Variants in CC2D2A observed in about 807,000 individuals in gnomAD.
The protein encoded by CC2D2A is coiled-coil and C2 domain-containing protein 2A.
A neutral mutation model predicts 212.9 loss-of-function variants in CC2D2A; 155 were observed. The observed-to-expected ratio is 0.73, with a 90% CI of 0.64 to 0.83. The LOEUF (loss-of-function observed/expected upper bound fraction) is 0.83, where lower values mean the gene tolerates loss of function less well. Ranked by LOEUF, CC2D2A falls within the 40% of genes least tolerant of loss-of-function variation. The probability of loss-of-function intolerance (pLI) is 0.00; values close to 1 mark genes in which losing one functional copy is unlikely to be tolerated. For synonymous variants in CC2D2A, 667 were observed against 686.5 expected, an observed-to-expected ratio of 0.97 and a Z score of 0.44; for missense variants, 1,856 against 1,956.2, an observed-to-expected ratio of 0.95 and a Z score of 0.97.
rs1176350688 is a variant in CC2D2A, at chr4:15,480,771, T to C, written c.191T>C (p.Val64Ala). Residue 64 changes from valine to alanine, a missense_variant, in exon 4 of 37, where the codon GTG becomes GCG. Physicochemically the swap from Val to Ala is moderately conservative, Grantham distance 64. Around this residue, in one of 5 missense-constraint regions of CC2D2A, gnomAD observed 1,512 missense variants for 1,579.3 expected, o/e 0.96. Transcript: ENST00000424120. ...KSHLGNPQEP[V>A]QEEPKTRLLS... is the part of the protein sequence containing the mutation. ...CACCTTGGCAACCCCCAGGAGCCTG[T>C]GCAGGAGGAGCCCAAGACCCGCCTC... 1 of 1,613,378 alleles carries C rather than the reference T, an allele frequency of 6.2e-7. No homozygotes were observed. The highest frequency in any genetic ancestry group is 8.5e-7 in the Non-Finnish European group (1 of 1,179,662).
At chr4:15,574,995 G>A (rs1720337647) in intron 29 of CC2D2A, among the ~76,000 whole-genome samples, 1 of 152,230 alleles carries the variant, frequency 6.6e-6, no homozygotes, top group African/African-American at 2.4e-5. Context: ...TCCAAGGTCT[G>A]ATTGCAAAAA....
At chr4:15,526,678 T>A (rs1577349239) in intron 11 of CC2D2A, among the ~76,000 whole-genome samples, 1 of 152,304 alleles carries the variant, frequency 6.6e-6, no homozygotes, top group South Asian at 2.1e-4. Flanking sequence ...CTATAGTCAG[T>A]CTTTATAATG....
chr4:15,550,722 G>C, intron 17 of CC2D2A, 102 bp from the exon 18 acceptor site: 1 of 828,978 alleles, frequency 1.2e-6, no homozygotes. Flanking sequence ...CTTAGGGCTG[G>C]AACAGTGACC....
intron 17 of CC2D2A, among the ~76,000 whole-genome samples, chr4:15,546,846 C>CA (rs1321097807): frequency 6.6e-6 from 1 of 152,096 alleles, no homozygotes; most frequent in Admixed American, 6.5e-5. Flanking sequence ...CAGGTGTGGT[C>CA]ATCTAAAGGT....
At chr4:15,493,245 A>ATTATTTATTTATTTAT (rs58220743) in intron 4 of CC2D2A, among the ~76,000 whole-genome samples, 89 of 148,370 alleles carry the variant, frequency 6.0e-4, no homozygotes, top group Admixed American at 1.5e-3. Context: ...CACTTTATTT[A>ATTATTTATTTATTTAT]TTATTTATTT....
intron 34 of CC2D2A, among the ~76,000 whole-genome samples, chr4:15,596,943 G>C (rs905019182): frequency 4.6e-5 from 7 of 152,168 alleles, no homozygotes; most frequent in African/African-American, 1.7e-4. Flanking sequence ...TAAATATAAA[G>C]TTAAGGGAGA....
At chr4:15,508,428 A>G (rs1716378790) in intron 6 of CC2D2A, among the ~76,000 whole-genome samples, 1 of 152,248 alleles carries the variant, frequency 6.6e-6, no homozygotes, top group South Asian at 2.1e-4. Flanking sequence ...TATAGACCAA[A>G]AAAAAGACAT....
intron 4 of CC2D2A, among the ~76,000 whole-genome samples, chr4:15,498,621 G>T: frequency 6.6e-6 from 1 of 152,046 alleles, no homozygotes; most frequent in Non-Finnish European, 1.5e-5. Context: ...TTTAATGAGG[G>T]TTGTCTTAGT....
At chr4:15,563,638 G>T in intron 24 of CC2D2A, 116 bp downstream of exon 24, 1 of 1,160,050 alleles carries the variant, frequency 8.6e-7, no homozygotes, top group African/African-American at 1.5e-5. Flanking sequence ...GCAGGGGACT[G>T]AGGGTTCTTG....
intron 2 of CC2D2A, among the ~76,000 whole-genome samples, chr4:15,477,326 C>G (rs1348233869): frequency 2.6e-5 from 4 of 151,226 alleles, no homozygotes; most frequent in African/African-American, 9.7e-5. Flanking sequence ...AAACTTTAAG[C>G]AAGATCAAGT....
intron 2 of CC2D2A, among the ~76,000 whole-genome samples, chr4:15,478,349 C>T (rs1245624448): frequency 4.6e-5 from 7 of 152,188 alleles, no homozygotes. Flanking sequence ...CTAGCAGATT[C>T]ACTTGTTAGT....
rs1178514989 is a variant in CC2D2A at position 15,557,417 on chromosome 4, T to A, written c.2739T>A (p.Leu913=). Residue 913 remains leucine (L), a synonymous_variant, in exon 21 of 37, where the codon CTT becomes CTA. Transcript: ENST00000424120. ...TAAATAGATCCAAACGATTTAGGCT[T>A]CTTCATCTTAGAAGCCAAGAGGTGC... ...QELNRSKRFR[L]LHLRSQEVPE... 6.2e-7 allele frequency: 1 copy of A among 1,613,534 alleles called. No individual in the cohort carries two copies. Among genetic ancestry groups the A allele is most frequent in the Admixed American group, 1.7e-5 (1 of 60,002 alleles).
At chr4:15,569,646 C>T (rs946025542) in intron 27 of CC2D2A, among the ~76,000 whole-genome samples, 2 of 152,160 alleles carry the variant, frequency 1.3e-5, no homozygotes, top group African/African-American at 4.8e-5. Context: ...TGCATTTACC[C>T]TAGGTACAAT....
In CC2D2A at chr4:15,601,392, G is replaced by C; in HGVS notation, c.4830G>C (p.Trp1610Cys). Reference sequence around the variant, plus strand: ...ACCCCAAAAATGTTTTGTCTGTTTGGATCTATGTTGCCTCTCTTATACGCA... The same window carrying C: ...ACCCCAAAAATGTTTTGTCTGTTTGCATCTATGTTGCCTCTCTTATACGCA... ...HPYPKNVLSV[W>C]IYVASLIRNR Residue 1610 changes from tryptophan (W) to cysteine (C), a missense_variant, in exon 37 of 37, where the codon TGG becomes TGC. This residue lies in a region of CC2D2A where 285 missense variants were observed against 278.4 expected (regional missense o/e 1.02). Transcript: ENST00000424120. 6.4e-7 allele frequency: 1 copy of C among 1,560,052 alleles called. No homozygotes were observed. Among genetic ancestry groups the C allele is most frequent in the Non-Finnish European group, 8.7e-7 (1 of 1,149,550 alleles).
intron 29 of CC2D2A, among the ~76,000 whole-genome samples, chr4:15,578,806 TTG>T (rs1491074699): frequency 3.8e-5 from 4 of 106,380 alleles, no homozygotes; most frequent in African/African-American, 1.3e-4. Flanking sequence ...GTTTGTTTGT[TTG>T]TTTGTTTGTT....
intron 29 of CC2D2A, among the ~76,000 whole-genome samples, chr4:15,575,000 C>A (rs1720338052): frequency 6.6e-6 from 1 of 152,148 alleles, no homozygotes; most frequent in African/African-American, 2.4e-5. Flanking sequence ...GGTCTGATTG[C>A]AAAAATTCAA....
At chr4:15,500,877 T>G (rs1715908762) in intron 4 of CC2D2A, among the ~76,000 whole-genome samples, 1 of 152,134 alleles carries the variant, frequency 6.6e-6, no homozygotes, top group Non-Finnish European at 1.5e-5. Context: ...CCTTAAGGCT[T>G]CAGCGCTCAC....
intron 11 of CC2D2A, chr4:15,519,881 G>C: frequency 3.7e-6 from 1 of 269,620 alleles, no homozygotes; most frequent in East Asian, 9.9e-5. Flanking sequence ...TTTTGGGTGG[G>C]GACACAGCCA....
intron 4 of CC2D2A, among the ~76,000 whole-genome samples, chr4:15,487,466 C>G (rs1279501457): frequency 6.6e-6 from 1 of 152,052 alleles, no homozygotes; most frequent in South Asian, 2.1e-4. Context: ...GCTACTCCTG[C>G]TCTTTTTACA....
Sources: allele counts gnomAD v4.1 joint callset (sites outside exome capture counted in the v4.1 genomes callset), GRCh38; gene constraint gnomAD v4.1.1; regional missense constraint gnomAD v4.1.1; transcripts MANE v1.5; gene names NCBI Gene and HGNC (gene_info 2026-07-23, HGNC 2026-07-21).